VIT: variants seen among roughly 807,000 people sequenced by gnomAD.
VIT encodes vitrin.
In VIT, 99 loss-of-function variants were observed where a neutral mutation model predicts 78.0. The ratio of observed to expected loss-of-function variants is 1.27; its 90% CI spans 1.08 to 1.50. VIT has a LOEUF of 1.50. VIT is among the 40% of genes most tolerant of loss of function. VIT has a pLI of 0.00. For synonymous variants in VIT, 374 were observed against 334.3 expected, an observed-to-expected ratio of 1.12 and a Z score of -1.29; for missense variants, 1,126 against 875.3, an observed-to-expected ratio of 1.29 and a Z score of -3.61.
intron 2 of VIT, among the ~76,000 whole-genome samples, chr2:36,724,699 A>T (rs1042597139): frequency 2.6e-5 from 4 of 152,210 alleles, no homozygotes; most frequent in African/African-American, 9.6e-5. Flanking sequence ...CTGCTGTTCA[A>T]CTGAACCCAG....
chr2:36,792,754 C>T (rs1295022726), intron 12 of VIT, among the ~76,000 whole-genome samples: 2 of 152,146 alleles, frequency 1.3e-5, no homozygotes, highest in Non-Finnish European at 2.9e-5. Flanking sequence ...CAGTGAAGCC[C>T]AGTCCCCCAG....
At chr2:36,807,786 G>A (rs1036118407) in intron 14 of VIT, among the ~76,000 whole-genome samples, 2 of 152,182 alleles carry the variant, frequency 1.3e-5, no homozygotes, top group African/African-American at 4.8e-5. Context: ...ATATTCATTT[G>A]CCTGGAGGCA....
At chr2:36,780,154 T>C (rs1191688688) in intron 9 of VIT, among the ~76,000 whole-genome samples, 1 of 152,236 alleles carries the variant, frequency 6.6e-6, no homozygotes, top group African/African-American at 2.4e-5. Flanking sequence ...TGTAATTTGG[T>C]TCAAACTTGT....
At chr2:36,712,014 G>T (rs1461225615) in intron 1 of VIT, among the ~76,000 whole-genome samples, 1 of 152,166 alleles carries the variant, frequency 6.6e-6, no homozygotes, top group Non-Finnish European at 1.5e-5. Flanking sequence ...ACCCGGGTGA[G>T]CCCATGAGGA....
intron 4 of VIT, among the ~76,000 whole-genome samples, chr2:36,753,369 A>G (rs1349936446): frequency 1.3e-5 from 2 of 150,964 alleles, no homozygotes; most frequent in African/African-American, 4.8e-5. Context: ...AACTTAAAAT[A>G]AAAGTTGAAG....
intron 5 of VIT, among the ~76,000 whole-genome samples, chr2:36,755,810 T>C (rs896716923): frequency 3.3e-5 from 5 of 152,244 alleles, no homozygotes; most frequent in African/African-American, 4.8e-5. Context: ...AAGTGGACTA[T>C]GGATTCATAG....
At chr2:36,756,211 G>A (rs1267059335) in intron 5 of VIT, among the ~76,000 whole-genome samples, 1 of 152,000 alleles carries the variant, frequency 6.6e-6, no homozygotes, top group Non-Finnish European at 1.5e-5. Context: ...GCCCACCTCG[G>A]CCTCCCAAAG....
chr2:36,709,627 G>T (rs1573117729), intron 1 of VIT, among the ~76,000 whole-genome samples: 1 of 152,184 alleles, frequency 6.6e-6, no homozygotes, highest in Non-Finnish European at 1.5e-5. Context: ...TTATGTAGAA[G>T]AGGTGGCCCA....
intron 3 of VIT, among the ~76,000 whole-genome samples, chr2:36,733,783 T>A (rs1417290983): frequency 6.6e-6 from 1 of 152,196 alleles, no homozygotes; most frequent in Non-Finnish European, 1.5e-5. Context: ...ATCAAAAGTC[T>A]GGCCTCTTAT....
intron 3 of VIT, among the ~76,000 whole-genome samples, chr2:36,741,693 T>C (rs1452308593): frequency 6.6e-6 from 1 of 152,266 alleles, no homozygotes; most frequent in African/African-American, 2.4e-5. Flanking sequence ...AGTCTGTGAA[T>C]TACAGACTCT....
chr2:36,812,547 C>T (rs552036854), intron 15 of VIT, among the ~76,000 whole-genome samples: 40 of 152,262 alleles, frequency 2.6e-4, no homozygotes, highest in Admixed American at 2.2e-3. Flanking sequence ...CCCATCCTCT[C>T]CTCCCTGGGT....
Position 36,743,069 on chromosome 2 carries a change from G to A in VIT, c.119-31G>A, listed in dbSNP as rs146426374. On this transcript the variant is annotated intron_variant, in intron 3 of 15. Coordinates refer to ENST00000379242, the MANE Select transcript of VIT (RefSeq NM_053276.4). ...CCCACAGATAAACTAATAGCACAAG[G>A]TGTAATTTTGACCTCATTTTGTATT... is the stretch of plus-strand genomic sequence containing the variant. 1.2e-3 allele frequency: 1,879 copies of A among 1,612,866 alleles called. 16 individuals carry two copies. The highest frequency in any genetic ancestry group is 0.012 in the African/African-American group (872 of 75,000).
At chr2:36,737,897 G>T (rs78752871) in intron 3 of VIT, among the ~76,000 whole-genome samples, 2,318 of 152,268 alleles carry the variant, frequency 0.015, 56 homozygotes, top group African/African-American at 0.052. Flanking sequence ...CCATGAAAAA[G>T]GAAGAGGATT....
At chr2:36,803,138 A>T (rs2148669075) in intron 13 of VIT, among the ~76,000 whole-genome samples, 1 of 152,278 alleles carries the variant, frequency 6.6e-6, no homozygotes, top group South Asian at 2.1e-4. Flanking sequence ...CACAACATGG[A>T]TCTCCACACC....
chr2:36,758,038 G>A (rs1330927812), intron 5 of VIT, among the ~76,000 whole-genome samples: 1 of 152,140 alleles, frequency 6.6e-6, no homozygotes, highest in Non-Finnish European at 1.5e-5. Flanking sequence ...GTGCCACACT[G>A]CTTACCATCT....
At chr2:36,797,141 G>T (rs1424778680) in intron 12 of VIT, among the ~76,000 whole-genome samples, 29 of 149,886 alleles carry the variant, frequency 1.9e-4, no homozygotes, top group Non-Finnish European at 5.9e-5. Context: ...ATAACCCTTG[G>T]TCACTAGAGG....
intron 6 of VIT, 129 bp from the exon 7 acceptor site, chr2:36,766,964 TC>T (rs1256279933): frequency 1.9e-6 from 2 of 1,079,430 alleles, no homozygotes; most frequent in Non-Finnish European, 2.4e-6. Flanking sequence ...TACCTGGGTT[TC>T]ACCCTTCACC....
chr2:36,707,784 C>G (rs1665526126), intron 1 of VIT, among the ~76,000 whole-genome samples: 2 of 151,286 alleles, frequency 1.3e-5, no homozygotes, highest in South Asian at 4.2e-4. Context: ...TTAGGAACCA[C>G]CATACTGAGA....
At chr2:36,809,696 T>C (rs1667010244) in intron 15 of VIT, among the ~76,000 whole-genome samples, 1 of 152,182 alleles carries the variant, frequency 6.6e-6, no homozygotes, top group African/African-American at 2.4e-5. Flanking sequence ...ATTACAGTAG[T>C]GAGTCACCAT....
Sources: allele counts gnomAD v4.1 joint callset (sites outside exome capture counted in the v4.1 genomes callset), GRCh38; gene constraint gnomAD v4.1.1; transcripts MANE v1.5; gene names NCBI Gene and HGNC (gene_info 2026-07-23, HGNC 2026-07-21).